Variants in PITPNM2 observed in about 807,000 individuals in gnomAD.
The protein encoded by PITPNM2 is membrane-associated phosphatidylinositol transfer protein 2.
A neutral mutation model predicts 132.2 loss-of-function variants in PITPNM2; 35 were observed. That is an observed-to-expected ratio of 0.26 (90% confidence interval 0.20 to 0.35). PITPNM2 has a LOEUF of 0.35. Among genes scored for constraint, PITPNM2 ranks in the 10% least tolerant of loss-of-function variants. The probability of loss-of-function intolerance (pLI) is 1.00; values close to 1 mark genes in which losing one functional copy is unlikely to be tolerated. For synonymous variants in PITPNM2, 738 were observed against 799.2 expected (o/e 0.92, Z 1.29); for missense variants, 1,332 against 1,912.0 (o/e 0.70, Z 5.66).
At position 123,022,455 on chromosome 12, in the gene PITPNM2, C is replaced by G. The variant is rs543291708; in HGVS notation, c.79-8413G>C. 5.3e-5 allele frequency among the ~76,000 whole-genome samples: 8 copies of G among 152,222 alleles called. No individual in the cohort carries two copies. Among genetic ancestry groups the G allele is most frequent in the African/African-American group, 1.7e-4 (7 of 41,532 alleles). ...TGTCATTATCAGGAGCCAATGCAGG[C>G]AGGGAGAGAGGGCTTCCTGGAAAAA... On this transcript the variant is annotated intron_variant, in intron 3 of 25. Coordinates refer to ENST00000320201, the MANE Select transcript of PITPNM2 (RefSeq NM_020845.3). The surrounding 1 kb of genome is among the most constrained non-coding windows in gnomAD (Gnocchi z 4.9).
rs1194100114 is a variant in PITPNM2 at position 122,995,411 on chromosome 12, G to C, written c.2032C>G (p.Gln678Glu). 6.2e-7 allele frequency: 1 copy of C among 1,606,372 alleles called. No individual in the cohort carries two copies. Among genetic ancestry groups the C allele is most frequent in the Non-Finnish European group, 8.5e-7 (1 of 1,175,518 alleles). Residue 678 changes from glutamine to glutamate, a missense_variant, in exon 14 of 26, where the codon CAG becomes GAG. By Grantham distance (29) the Gln-to-Glu change is conservative (BLOSUM62 2). Coordinates refer to ENST00000320201, the MANE Select transcript of PITPNM2 (RefSeq NM_020845.3). ...CACCTGGACAGGAAGGCCTGGTGCT[G>C]CTGGATGGTATCCAGCTCGTAGGTG... ...SSTYELDTIQ[Q>E]HQAFLSSLHA...
At chr12:123,025,397 C>A (rs928013833) in intron 3 of PITPNM2, among the ~76,000 whole-genome samples, 12 of 152,160 alleles carry the variant, frequency 7.9e-5, no homozygotes, top group African/African-American at 2.9e-4. Flanking sequence ...TGTCATCTCT[C>A]CCTCTTTAAA....
chr12:123,018,023 CCTTCCTTCCTT>C (rs1455763550), intron 3 of PITPNM2, among the ~76,000 whole-genome samples: 30 of 144,022 alleles, frequency 2.1e-4, no homozygotes, highest in Admixed American at 4.2e-4. Context: ...TTCCTTCCTT[CCTTCCTTCCTT>C]CCTCCCTCCC....
intron 3 of PITPNM2, among the ~76,000 whole-genome samples, chr12:123,028,051 G>A (rs1361819268): frequency 6.6e-6 from 1 of 152,198 alleles, no homozygotes; most frequent in African/African-American, 2.4e-5. Flanking sequence ...AGCAGAGACA[G>A]GCCTGGCTCC....
intron 1 of PITPNM2, among the ~76,000 whole-genome samples, chr12:123,122,318 C>T (rs554069518): frequency 5.9e-5 from 9 of 152,012 alleles, no homozygotes; most frequent in African/African-American, 1.9e-4. Flanking sequence ...AAAAATTAGC[C>T]GGGCGTGGTG....
rs1160837560 is a variant in PITPNM2 at position 123,077,374 on chromosome 12, C to G, written c.-96+33011G>C. Among the ~76,000 whole-genome samples, 2 of 152,222 alleles carry G rather than the reference C, an allele frequency of 1.3e-5. No individual in the cohort carries two copies. The highest frequency in any genetic ancestry group is 2.9e-5 in the Non-Finnish European group (2 of 68,038). On this transcript the variant is annotated intron_variant, in intron 2 of 25. Coordinates refer to ENST00000320201, the MANE Select transcript of PITPNM2 (RefSeq NM_020845.3). The surrounding 1 kb of genome is among the most constrained non-coding windows in gnomAD (Gnocchi z 4.8). ...GATAATGAAGGATTGGTCAGAGAGA[C>G]AGCCAACGTGTGGCCAACAATCACC...
At chr12:123,144,774 A>G (rs759542134) in intron 1 of PITPNM2, among the ~76,000 whole-genome samples, 1 of 152,170 alleles carries the variant, frequency 6.6e-6, no homozygotes, top group African/African-American at 2.4e-5. Context: ...CATGTTGGCC[A>G]GTCTGGTCTC....
chr12:123,076,634 C>T (rs1028315177), intron 2 of PITPNM2, among the ~76,000 whole-genome samples: 5 of 152,252 alleles, frequency 3.3e-5, no homozygotes, highest in African/African-American at 1.2e-4. Flanking sequence ...GACACAGACA[C>T]ATACTGGAAC....
At chr12:123,016,602 C>CAAACA (rs1266370345) in intron 3 of PITPNM2, among the ~76,000 whole-genome samples, 1 of 151,150 alleles carries the variant, frequency 6.6e-6, no homozygotes, top group Non-Finnish European at 1.5e-5. Flanking sequence ...AACAAAAAAA[C>CAAACA]AAAAAACACA....
At position 123,147,916 on chromosome 12, in the gene PITPNM2, G is replaced by A. The variant is rs553582727; in HGVS notation, c.-200+2837C>T. Among the ~76,000 whole-genome samples the A allele has an allele frequency of 2.3e-4, 35 of 152,290 alleles. No homozygotes were observed. In the South Asian group the frequency reaches 3.1e-3, roughly 14 times the overall value. On this transcript the variant is annotated intron_variant, in intron 1 of 25. Transcript: ENST00000320201. ...ATGGTGCATAGTATACAAACAAAAC[G>A]TGTTTTCCTTCCCCACTTTCCTTTT...
chr12:122,988,209 G>T, intron 20 of PITPNM2, 25 bp downstream of exon 20: 2 of 1,590,924 alleles, frequency 1.3e-6, no homozygotes, highest in Non-Finnish European at 1.7e-6. Flanking sequence ...CATCGTGGGG[G>T]CCTGGGCGCC....
At chr12:123,109,064 G>T (rs1428613279) in intron 2 of PITPNM2, among the ~76,000 whole-genome samples, 1 of 152,166 alleles carries the variant, frequency 6.6e-6, no homozygotes. Context: ...GACCCTAACA[G>T]GCACTGCTCA....
rs1319961154 is a variant in PITPNM2, at chr12:123,000,589, G to A, written c.1224+189C>T. ...CTCGGGGACCTCAGAGACAGAGGGC[G>A]ACAGGCGCCTTCCTAGCAGGGCAGC... On this transcript the variant is annotated intron_variant, in intron 10 of 25. Coordinates refer to ENST00000320201, the MANE Select transcript of PITPNM2 (RefSeq NM_020845.3). The surrounding 1 kb of genome is among the most constrained non-coding windows in gnomAD (Gnocchi z 5.4). 12 of 682,136 alleles carry A rather than the reference G, an allele frequency of 1.8e-5. No individual in the cohort carries two copies. The highest frequency in any genetic ancestry group is 7.2e-5 in the African/African-American group (4 of 55,756). 42.3% of individuals were successfully genotyped at this position (682,136 alleles called of 1,614,324 possible).
chr12:123,048,186 T>C (rs529289498), intron 2 of PITPNM2, among the ~76,000 whole-genome samples: 1 of 150,624 alleles, frequency 6.6e-6, no homozygotes, highest in South Asian at 2.1e-4. Context: ...TGATGGGAAA[T>C]ATTATTCAGC....
chr12:123,021,029 C>CAAAA (rs910751492), intron 3 of PITPNM2, among the ~76,000 whole-genome samples: 7 of 25,256 alleles, frequency 2.8e-4, no homozygotes, highest in East Asian at 1.7e-3. Context: ...AATTCCATCT[C>CAAAA]AAAAAAAAAA....
At chr12:123,032,304 C>T (rs1200345699) in intron 3 of PITPNM2, among the ~76,000 whole-genome samples, 1 of 152,188 alleles carries the variant, frequency 6.6e-6, no homozygotes, top group Non-Finnish European at 1.5e-5. Context: ...TGGTGAAACC[C>T]TGTCTCTACT....
At chr12:123,062,577 G>A (rs888419358) in intron 2 of PITPNM2, among the ~76,000 whole-genome samples, 3 of 152,164 alleles carry the variant, frequency 2.0e-5, no homozygotes, top group African/African-American at 7.2e-5. Context: ...TAGGATTTCA[G>A]AATATCCTGA....
In PITPNM2 at chr12:123,111,247, C is replaced by T. The variant is rs1021270708; in HGVS notation, c.-199-759G>A. Among the ~76,000 whole-genome samples, 2 of 152,244 alleles carry T rather than the reference C, an allele frequency of 1.3e-5. No individual in the cohort carries two copies. The highest frequency in any genetic ancestry group is 2.4e-5 in the African/African-American group (1 of 41,458). ...CATTCTTGTTTGCCTGACACACATA[C>T]AAGCCTCCTGACCCTGGGCCCAGAG... is the stretch of plus-strand genomic sequence containing the variant. On this transcript the variant is annotated intron_variant, in intron 1 of 25. Coordinates refer to ENST00000320201, the MANE Select transcript of PITPNM2 (RefSeq NM_020845.3). The surrounding 1 kb of genome is among the most constrained non-coding windows in gnomAD (Gnocchi z 4.1).
chr12:122,999,456 G>A (rs574713341), intron 10 of PITPNM2, among the ~76,000 whole-genome samples: 167 of 152,316 alleles, frequency 1.1e-3, no homozygotes, highest in African/African-American at 3.7e-3. Context: ...CCAGTGAGGC[G>A]AAGGGCTTAT....
Sources: allele counts gnomAD v4.1 joint callset (sites outside exome capture counted in the v4.1 genomes callset), GRCh38; gene constraint gnomAD v4.1.1; non-coding constraint Gnocchi (gnomAD v3.1); transcripts MANE v1.5; gene names NCBI Gene and HGNC (gene_info 2026-07-23, HGNC 2026-07-21).